Variants in ACCSL observed in about 807,000 individuals in gnomAD.
The protein encoded by ACCSL is 1-aminocyclopropane-1-carboxylate synthase homolog (inactive) like.
Under a neutral mutation model 61.7 loss-of-function variants are expected in ACCSL, and 55 were observed. The observed-to-expected ratio is 0.89, with a 90% CI of 0.72 to 1.12. ACCSL has a LOEUF of 1.12. Among genes scored for constraint, ACCSL ranks in the 50% most tolerant of loss-of-function variants. ACCSL has a pLI of 0.00. For missense variants in ACCSL, 632 were observed against 698.0 expected, an observed-to-expected ratio of 0.91 and a Z score of 1.07; for synonymous variants, 258 against 264.3, an observed-to-expected ratio of 0.98 and a Z score of 0.23.
the ACCSL span, chr11:43,926,616 A>G: frequency 3.2e-6 from 1 of 313,118 alleles, no homozygotes; most frequent in Non-Finnish European, 6.4e-6. Context: ...TGTGGCTTCT[A>G]TTTTCCTTGG....
the ACCSL span, among the ~76,000 whole-genome samples, chr11:44,037,671 A>ACAT: frequency 6.6e-6 from 1 of 152,232 alleles, no homozygotes; most frequent in Non-Finnish European, 1.5e-5. Context: ...TCTACTGTCA[A>ACAT]CATTCACAAG....
chr11:43,977,904 C>T, the ACCSL span, among the ~76,000 whole-genome samples: 51 of 151,806 alleles, frequency 3.4e-4, no homozygotes, highest in South Asian at 2.9e-3. Flanking sequence ...CATGCTTGTA[C>T]GTCATATAGA....
the ACCSL span, among the ~76,000 whole-genome samples, chr11:43,955,507 G>C: frequency 1.6e-4 from 25 of 152,246 alleles, no homozygotes; most frequent in Non-Finnish European, 3.2e-4. Context: ...GGAAGATGGA[G>C]TTATTACTCA....
At chr11:43,935,586 C>T in the ACCSL span, among the ~76,000 whole-genome samples, 20,545 of 152,304 alleles carry the variant, frequency 0.13, 1,873 homozygotes, top group Middle Eastern at 0.28. Context: ...GGGATGTGCA[C>T]GTGCAAAGCA....
the ACCSL span, chr11:43,942,510 G>T: frequency 3.8e-3 from 879 of 231,362 alleles, 5 homozygotes; most frequent in Non-Finnish European, 6.1e-3. Context: ...TTCCCAGAGC[G>T]GCGGGGCGAC....
chr11:44,031,744 G>A, the ACCSL span, among the ~76,000 whole-genome samples: 19 of 152,190 alleles, frequency 1.2e-4, no homozygotes, highest in South Asian at 1.4e-3. Flanking sequence ...AGGAATTCAC[G>A]TCTCCTAGGA....
intron 9 of ACCSL, among the ~76,000 whole-genome samples, 176 bp downstream of exon 9, chr11:44,055,467 T>C (rs1356683307): frequency 6.6e-6 from 1 of 152,264 alleles, no homozygotes; most frequent in Non-Finnish European, 1.5e-5. Flanking sequence ...CTAGTCTATA[T>C]GCCATTTTGT....
the ACCSL span, among the ~76,000 whole-genome samples, chr11:43,988,806 CTTTT>C: frequency 2.1e-5 from 2 of 97,234 alleles, no homozygotes; most frequent in Non-Finnish European, 1.9e-5. Context: ...ATTCTCTCTT[CTTTT>C]TTTTTTTTTT....
At chr11:43,967,687 G>T in the ACCSL span, among the ~76,000 whole-genome samples, 2 of 152,038 alleles carry the variant, frequency 1.3e-5, no homozygotes, top group Non-Finnish European at 2.9e-5. Flanking sequence ...TGTCTACCAG[G>T]TTTTACTGAC....
chr11:44,030,789 G>A, the ACCSL span, among the ~76,000 whole-genome samples: 35 of 152,166 alleles, frequency 2.3e-4, no homozygotes. Flanking sequence ...ACAACTCAGT[G>A]TAATGGAAAA....
At chr11:44,004,275 A>C in the ACCSL span, among the ~76,000 whole-genome samples, 1 of 151,956 alleles carries the variant, frequency 6.6e-6, no homozygotes, top group East Asian at 1.9e-4. Flanking sequence ...GGCAGTCACG[A>C]GCTTGAGTCT....
chr11:44,037,903 C>A, the ACCSL span, among the ~76,000 whole-genome samples: 1 of 151,922 alleles, frequency 6.6e-6, no homozygotes, highest in South Asian at 2.1e-4. Flanking sequence ...ATCCATCCAT[C>A]CATCCACTTG....
the ACCSL span, among the ~76,000 whole-genome samples, chr11:44,035,785 A>G: frequency 6.6e-6 from 1 of 151,844 alleles, no homozygotes; most frequent in Non-Finnish European, 1.5e-5. Flanking sequence ...TAAAAATACA[A>G]AAATTAGCCA....
At chr11:44,022,588 C>T in the ACCSL span, among the ~76,000 whole-genome samples, 10 of 152,150 alleles carry the variant, frequency 6.6e-5, no homozygotes, top group African/African-American at 2.4e-4. Flanking sequence ...CCTCTTTACT[C>T]ATTTGAGTGC....
chr11:43,964,098 T>C, the ACCSL span, among the ~76,000 whole-genome samples: 1 of 151,992 alleles, frequency 6.6e-6, no homozygotes, highest in Non-Finnish European at 1.5e-5. Context: ...ATTATAGATA[T>C]ATAACAAGTA....
At chr11:43,955,838 C>G in the ACCSL span, among the ~76,000 whole-genome samples, 1 of 151,864 alleles carries the variant, frequency 6.6e-6, no homozygotes, top group South Asian at 2.1e-4. Context: ...TTCCTCCTAG[C>G]CTGGTGGGCT....
chr11:43,998,537 C>A, the ACCSL span, among the ~76,000 whole-genome samples: 1 of 152,152 alleles, frequency 6.6e-6, no homozygotes. Context: ...TGGCCACTGG[C>A]TCAGCAGGCT....
intron 11 of ACCSL, among the ~76,000 whole-genome samples, chr11:44,056,599 G>A (rs1317030631): frequency 6.6e-6 from 1 of 152,184 alleles, no homozygotes; most frequent in Non-Finnish European, 1.5e-5. Context: ...TTGGGAGGCC[G>A]AGGTGGGCGG....
chr11:44,018,937 G>T, the ACCSL span, among the ~76,000 whole-genome samples: 3 of 152,148 alleles, frequency 2.0e-5, no homozygotes, highest in African/African-American at 7.2e-5. Context: ...AAAGAAATTT[G>T]ATACCCATTA....
Sources: allele counts gnomAD v4.1 joint callset (sites outside exome capture counted in the v4.1 genomes callset), GRCh38; gene constraint gnomAD v4.1.1; transcripts MANE v1.5; gene names NCBI Gene and HGNC (gene_info 2026-07-23, HGNC 2026-07-21).